The following SLCO2A1 variants were observed in gnomAD, a reference collection of about 807,000 sequenced individuals.
The protein encoded by SLCO2A1 is solute carrier organic anion transporter family member 2A1.
In SLCO2A1, 60 loss-of-function variants were observed where a neutral mutation model predicts 71.7. The observed-to-expected ratio is 0.84, with a 90% CI of 0.68 to 1.04. SLCO2A1 has a LOEUF of 1.04. Among genes scored for constraint, SLCO2A1 ranks in the 50% least tolerant of loss-of-function variants. The pLI, the probability that SLCO2A1 is intolerant of heterozygous loss-of-function variation, is 0.00. For synonymous variants in SLCO2A1, 308 were observed against 326.7 expected (o/e 0.94, Z 0.62); for missense variants, 745 against 813.4 (o/e 0.92, Z 1.02).
At chr3:133,971,866 T>A (rs1255867180) in intron 3 of SLCO2A1, among the ~76,000 whole-genome samples, 4 of 152,140 alleles carry the variant, frequency 2.6e-5, no homozygotes, top group African/African-American at 9.7e-5. Flanking sequence ...TCCAAAGCAA[T>A]GACGGTCCTG....
chr3:133,978,933 A>G (rs1934520985), intron 2 of SLCO2A1, among the ~76,000 whole-genome samples: 1 of 152,148 alleles, frequency 6.6e-6, no homozygotes, highest in Non-Finnish European at 1.5e-5. Flanking sequence ...CGGAGGCCAT[A>G]GAGCTCTGAT....
chr3:133,976,705 T>C (rs148208242), intron 2 of SLCO2A1, among the ~76,000 whole-genome samples: 3 of 152,296 alleles, frequency 2.0e-5, no homozygotes, highest in African/African-American at 7.2e-5. Flanking sequence ...TGAGACTCTT[T>C]GAAAGCTGTT....
At chr3:134,002,330 T>C (rs1001004535) in intron 1 of SLCO2A1, among the ~76,000 whole-genome samples, 76 of 152,242 alleles carry the variant, frequency 5.0e-4, no homozygotes, top group African/African-American at 1.7e-3. Flanking sequence ...GGGACTGAGG[T>C]TCACAGCCCT....
chr3:133,985,243 C>G (rs576801664), intron 1 of SLCO2A1, among the ~76,000 whole-genome samples: 1 of 152,214 alleles, frequency 6.6e-6, no homozygotes, highest in African/African-American at 2.4e-5. Context: ...TCCTCCCTCA[C>G]GAATATGTGC....
rs1300597092 is a variant in SLCO2A1 at position 133,948,546 on chromosome 3, G to T, written c.1095C>A (p.Asn365Lys). 1 of 1,613,756 alleles carries T rather than the reference G, an allele frequency of 6.2e-7. No individual in the cohort carries two copies. The highest frequency in any genetic ancestry group is 2.2e-5 in the East Asian group (1 of 44,876). ...ACCCTCTGGGCTCACCAATGAGGAA[G>T]TTGGCATAGGCTGCTGAGGTGCCAT... Reference protein sequence around the residue: ...KQYGTSAAYANFLIGAVNLPA... With the variant: ...KQYGTSAAYAKFLIGAVNLPA... Residue 365 changes from asparagine to lysine, a missense_variant, in exon 8 of 14, where the codon AAC becomes AAA. Asn to Lys is a moderately conservative substitution (Grantham distance 94). Coordinates refer to ENST00000310926, the MANE Select transcript of SLCO2A1 (RefSeq NM_005630.3).
intron 6 of SLCO2A1, among the ~76,000 whole-genome samples, chr3:133,950,062 A>G (rs1933699727): frequency 1.3e-5 from 2 of 151,778 alleles, no homozygotes; most frequent in African/African-American, 4.8e-5. Context: ...CTTGAACTTC[A>G]TTCCTTCCCT....
rs538855010 is a variant in SLCO2A1, at chr3:134,000,945, C to T, written c.97-21327G>A. Among the ~76,000 whole-genome samples, 19 of 152,280 alleles carry T rather than the reference C, an allele frequency of 1.2e-4. 1 individual carries two copies. The South Asian group carries it at 3.9e-3, about 32-fold the overall frequency. ...GGAGGGCTTGCCTGAAATACAGCCG[C>T]AAGGATACCTGTTCCTAACAGAACT... On this transcript the variant is annotated intron_variant, in intron 1 of 13. Transcript: ENST00000310926.
intron 6 of SLCO2A1, among the ~76,000 whole-genome samples, chr3:133,950,509 G>A (rs1016299578): frequency 3.3e-5 from 5 of 151,792 alleles, no homozygotes; most frequent in Admixed American, 2.6e-4. Flanking sequence ...CTCTGCACTG[G>A]CCTCTTCAGA....
intron 1 of SLCO2A1, among the ~76,000 whole-genome samples, chr3:134,026,141 T>C (rs1243476797): frequency 6.6e-6 from 1 of 152,016 alleles, no homozygotes; most frequent in Non-Finnish European, 1.5e-5. Flanking sequence ...TATTGGACAA[T>C]ATTGCATAGC....
chr3:133,970,843 G>A (rs1576440443), intron 3 of SLCO2A1, among the ~76,000 whole-genome samples: 3 of 152,264 alleles, frequency 2.0e-5, no homozygotes, highest in East Asian at 1.9e-4. Flanking sequence ...GAGGCAAGCT[G>A]TGGTCTTTTC....
At chr3:133,994,433 C>T (rs1411550992) in intron 1 of SLCO2A1, among the ~76,000 whole-genome samples, 6 of 152,222 alleles carry the variant, frequency 3.9e-5, no homozygotes, top group Admixed American at 3.9e-4. Flanking sequence ...CCAGTGGGCC[C>T]TCCAACAATG....
intron 3 of SLCO2A1, among the ~76,000 whole-genome samples, chr3:133,965,247 C>T (rs1934136496): frequency 6.6e-6 from 1 of 152,144 alleles, no homozygotes; most frequent in Non-Finnish European, 1.5e-5. Flanking sequence ...CATGGTGTTA[C>T]TTGATTGGAA....
At position 133,992,147 on chromosome 3, in the gene SLCO2A1, T is replaced by C. The variant is rs145681419; in HGVS notation, c.97-12529A>G. Among the ~76,000 whole-genome samples the C allele has an allele frequency of 2.0e-3, 302 of 152,346 alleles. 2 individuals carry two copies. The highest frequency in any genetic ancestry group is 6.9e-3 in the African/African-American group (285 of 41,588). On this transcript the variant is annotated intron_variant, in intron 1 of 13. Transcript: ENST00000310926. ...TTCAGCAAAAATCACTTGAAGGTCATCATATAAGATACAATTTAAATGGAC... is the reference window on the plus strand; with the variant it reads ...TTCAGCAAAAATCACTTGAAGGTCACCATATAAGATACAATTTAAATGGAC...
intron 1 of SLCO2A1, among the ~76,000 whole-genome samples, chr3:133,991,383 A>G (rs577071225): frequency 6.6e-6 from 1 of 152,328 alleles, no homozygotes; most frequent in South Asian, 2.1e-4. Context: ...ACCATGGCCC[A>G]ATGCCCCAAA....
chr3:134,026,085 C>A (rs1935696045), intron 1 of SLCO2A1, among the ~76,000 whole-genome samples: 1 of 152,138 alleles, frequency 6.6e-6, no homozygotes, highest in African/African-American at 2.4e-5. Context: ...GAATTCCCAG[C>A]TCAGAAGAAT....
At chr3:133,980,123 C>A (rs894600717) in intron 1 of SLCO2A1, among the ~76,000 whole-genome samples, 20 of 152,216 alleles carry the variant, frequency 1.3e-4, no homozygotes, top group Admixed American at 1.3e-3. Flanking sequence ...ATTCCCAACA[C>A]CTGTCCTCTG....
At chr3:133,992,281 G>A (rs1934869355) in intron 1 of SLCO2A1, among the ~76,000 whole-genome samples, 1 of 152,152 alleles carries the variant, frequency 6.6e-6, no homozygotes, top group Non-Finnish European at 1.5e-5. Flanking sequence ...AGGCTCCTGG[G>A]GGCCCTTGAA....
rs1156968426 is a variant in SLCO2A1 at position 133,947,368 on chromosome 3, G to A, written c.1183C>T (p.Gln395Ter). 1.2e-6 allele frequency: 2 copies of A among 1,614,104 alleles called. No homozygotes were observed. The highest frequency in any genetic ancestry group is 1.7e-5 in the Admixed American group (1 of 60,014). Residue 395 changes from glutamine (Q) to a stop codon, truncating the protein, a stop_gained, in exon 9 of 14, where the codon CAA becomes TAA. Coordinates refer to ENST00000310926, the MANE Select transcript of SLCO2A1 (RefSeq NM_005630.3). LOFTEE classifies it high-confidence loss of function. ...ILMKRFVFSL[Q>*]AIPRIATTII... ...GTGGTAGCTATGCGGGGAATGGCTT[G>A]TAGAGAGAAAACAAAGCGCTTCATG...
intron 12 of SLCO2A1, among the ~76,000 whole-genome samples, chr3:133,936,900 C>G (rs1361688080): frequency 6.6e-6 from 1 of 152,126 alleles, no homozygotes; most frequent in Non-Finnish European, 1.5e-5. Context: ...GAAGCAAAGT[C>G]CGGAAACATT....
Sources: allele counts gnomAD v4.1 joint callset (sites outside exome capture counted in the v4.1 genomes callset), GRCh38; gene constraint gnomAD v4.1.1; transcripts MANE v1.5; gene names NCBI Gene and HGNC (gene_info 2026-07-23, HGNC 2026-07-21).